Variants in LEMD1 observed in about 807,000 individuals in gnomAD.
LEMD1 encodes the protein LEM domain-containing protein 1.
Under a neutral mutation model 17.4 loss-of-function variants are expected in LEMD1, and 18 were observed. The observed-to-expected ratio is 1.04, with a 90% CI of 0.72 to 1.54. The LOEUF (loss-of-function observed/expected upper bound fraction) is 1.54. Among genes scored for constraint, LEMD1 ranks in the 40% most tolerant of loss-of-function variants. The probability of loss-of-function intolerance (pLI) is 0.00; values close to 1 mark genes in which losing one functional copy is unlikely to be tolerated. For synonymous variants in LEMD1, 88 were observed against 77.8 expected (o/e 1.13, Z -0.69); for missense variants, 195 against 210.4 (o/e 0.93, Z 0.45).
intron 1 of LEMD1, among the ~76,000 whole-genome samples, chr1:205,432,133 G>T (rs1469069745): frequency 6.6e-6 from 1 of 152,192 alleles, no homozygotes; most frequent in Non-Finnish European, 1.5e-5. Flanking sequence ...CTGTCTCTTT[G>T]GAAGAAGGGT....
At chr1:205,388,367 C>A (rs1664146759) in intron 4 of LEMD1, among the ~76,000 whole-genome samples, 1 of 152,018 alleles carries the variant, frequency 6.6e-6, no homozygotes, top group Admixed American at 6.6e-5. Context: ...CCAGATAATT[C>A]TTTTGTATTT....
At chr1:205,415,653 C>T (rs17346622) in intron 4 of LEMD1, among the ~76,000 whole-genome samples, 14,912 of 152,192 alleles carry the variant, frequency 0.098, 981 homozygotes, top group Middle Eastern at 0.14. Context: ...CCTTTAACTT[C>T]GCATCCACCC....
At chr1:205,390,978 C>T (rs1200213793) in intron 4 of LEMD1, among the ~76,000 whole-genome samples, 1 of 151,502 alleles carries the variant, frequency 6.6e-6, no homozygotes, top group East Asian at 1.9e-4. Flanking sequence ...CTGGGCGATG[C>T]GATCATTAGA....
intron 1 of LEMD1, among the ~76,000 whole-genome samples, chr1:205,439,045 A>G (rs1666252462): frequency 6.6e-6 from 1 of 152,230 alleles, no homozygotes; most frequent in African/African-American, 2.4e-5. Context: ...CCTCTGCCAC[A>G]GAAGTGACTT....
chr1:205,401,248 C>T (rs1664837748), intron 4 of LEMD1, among the ~76,000 whole-genome samples: 1 of 151,744 alleles, frequency 6.6e-6, no homozygotes, highest in African/African-American at 2.4e-5. Context: ...TATTTCTAGT[C>T]CTAGATCCCC....
chr1:205,409,747 A>G (rs6695034), intron 4 of LEMD1, among the ~76,000 whole-genome samples: 44,611 of 151,138 alleles, frequency 0.3, 6,752 homozygotes, highest in African/African-American at 0.34. Flanking sequence ...GACCACAAGC[A>G]TGCGTGCCAC....
At chr1:205,445,474 C>A (rs1666372731) in intron 1 of LEMD1, among the ~76,000 whole-genome samples, 1 of 152,264 alleles carries the variant, frequency 6.6e-6, no homozygotes, top group Non-Finnish European at 1.5e-5. Context: ...GCTCACCGAG[C>A]TCTCTGGAAT....
intron 5 of LEMD1, among the ~76,000 whole-genome samples, chr1:205,382,574 C>T (rs530917057): frequency 6.6e-6 from 1 of 152,210 alleles, no homozygotes; most frequent in South Asian, 2.1e-4. Context: ...CTAATTTCAA[C>T]AAGTGATACT....
At chr1:205,414,741 AC>A (rs1338199492) in intron 4 of LEMD1, among the ~76,000 whole-genome samples, 2 of 152,154 alleles carry the variant, frequency 1.3e-5, no homozygotes, top group Middle Eastern at 3.4e-3. Context: ...TTTTTCAGTT[AC>A]CCAGGTGTGG....
At chr1:205,415,131 A>G (rs1268544567) in intron 4 of LEMD1, among the ~76,000 whole-genome samples, 1 of 152,168 alleles carries the variant, frequency 6.6e-6, no homozygotes. Context: ...TGAAATGTGC[A>G]TGGTCATTCC....
chr1:205,383,077 T>A (rs1663801357), intron 5 of LEMD1, among the ~76,000 whole-genome samples: 1 of 152,328 alleles, frequency 6.6e-6, no homozygotes, highest in South Asian at 2.1e-4. Flanking sequence ...TGAGGGTATA[T>A]GTAATTTTAT....
Position 205,416,229 on chromosome 1 carries a change from T to C in LEMD1, c.270+3A>G. Reference sequence around the variant, plus strand: ...AGTATTCAGGCATTAGAATGGTACATACTTTTTTGAGTTTCTTGCTTTTTT... The same window carrying C: ...AGTATTCAGGCATTAGAATGGTACACACTTTTTTGAGTTTCTTGCTTTTTT... On this transcript the variant is annotated splice_donor_region_variant and intron_variant, in intron 4 of 5. Transcript: ENST00000367153. The C allele has an allele frequency of 6.5e-7, 1 of 1,528,250 alleles. No homozygotes were observed. Among genetic ancestry groups the C allele is most frequent in the Non-Finnish European group, 8.9e-7 (1 of 1,126,994 alleles). The allele number at this position is 1,528,250 out of a possible 1,614,324, so 94.7% of individuals were successfully genotyped here. A position where few individuals can be genotyped will look rare whatever the true frequency, so the allele number is the denominator to read the frequency against.
At chr1:205,414,434 G>GT (rs199914270) in intron 4 of LEMD1, among the ~76,000 whole-genome samples, 4 of 132,118 alleles carry the variant, frequency 3.0e-5, no homozygotes. Flanking sequence ...AAAAAAAAAA[G>GT]TTTTTTTTGA....
intron 5 of LEMD1, among the ~76,000 whole-genome samples, chr1:205,383,011 A>G (rs1663795879): frequency 6.6e-6 from 1 of 152,266 alleles, no homozygotes; most frequent in African/African-American, 2.4e-5. Context: ...TTTTATTTGA[A>G]CTACTTACTC....
intron 1 of LEMD1, 41 bp from the exon 2 acceptor site, chr1:205,420,615 C>A (rs1337849719): frequency 6.7e-6 from 7 of 1,052,548 alleles, no homozygotes; most frequent in Non-Finnish European, 1.0e-5. Context: ...GACAGCCTTA[C>A]CAATAAGTAC....
intron 4 of LEMD1, among the ~76,000 whole-genome samples, chr1:205,396,631 T>A (rs192485816): frequency 1.9e-3 from 285 of 152,240 alleles, no homozygotes; most frequent in African/African-American, 6.6e-3. Flanking sequence ...AAGCTACCAA[T>A]AATGACCATG....
chr1:205,415,429 CA>C (rs1180394344), intron 4 of LEMD1, among the ~76,000 whole-genome samples: 4 of 150,362 alleles, frequency 2.7e-5, no homozygotes, highest in African/African-American at 9.7e-5. Flanking sequence ...ACAGGCACAT[CA>C]GGGGCCAAGA....
chr1:205,384,163 C>A lies in LEMD1; in HGVS notation c.347+125G>T, dbSNP rs143539470. On this transcript the variant is annotated intron_variant, in intron 5 of 5. Coordinates refer to ENST00000367153, the MANE Select transcript of LEMD1 (RefSeq NM_001199050.2). ...TTTGAAATTGTTGGATATTACAAAT[C>A]TTTCTCCTTTCTCAACAGATTCTTT... 3.1e-4 allele frequency: 159 copies of A among 516,342 alleles called. No individual in the cohort carries two copies. The East Asian group carries it at 5.2e-3, about 17-fold the overall frequency. 32.0% of individuals were successfully genotyped at this position (516,342 alleles called of 1,614,324 possible).
intron 1 of LEMD1, among the ~76,000 whole-genome samples, chr1:205,444,578 G>A (rs1340657875): frequency 1.3e-5 from 2 of 152,130 alleles, no homozygotes; most frequent in Non-Finnish European, 2.9e-5. Flanking sequence ...GTCAGAGACA[G>A]CATGAACATG....
Sources: gnomAD v4.1 joint callset for allele counts (sites outside exome capture counted in the v4.1 genomes callset) on GRCh38, gnomAD v4.1.1 for gene constraint, MANE v1.5 for transcripts, NCBI Gene and HGNC (gene_info 2026-07-23, HGNC 2026-07-21) for gene names.